The following PSD3 variants were observed in gnomAD, a reference collection of about 807,000 sequenced individuals.
PSD3 encodes PH and SEC7 domain-containing protein 3.
Under a neutral mutation model 105.5 loss-of-function variants are expected in PSD3, and 49 were observed. That is an observed-to-expected ratio of 0.46 (90% CI 0.37 to 0.59). The LOEUF is 0.59. Ranked by LOEUF, PSD3 falls within the 20% of genes least tolerant of loss-of-function variation. PSD3 has a pLI of 0.00. For synonymous variants in PSD3, 557 were observed against 457.8 expected, an observed-to-expected ratio of 1.22 and a Z score of -2.77; for missense variants, 1,561 against 1,263.8, an observed-to-expected ratio of 1.24 and a Z score of -3.57.
chr8:18,913,947 T>A (rs1301064192), intron 2 of PSD3, among the ~76,000 whole-genome samples: 1 of 152,126 alleles, frequency 6.6e-6, no homozygotes, highest in Admixed American at 6.5e-5. Flanking sequence ...GCTCTGGGCC[T>A]GTCCTCACAA....
intron 9 of PSD3, among the ~76,000 whole-genome samples, chr8:18,686,352 C>T (rs190583483): frequency 9.8e-5 from 15 of 152,336 alleles, no homozygotes; most frequent in African/African-American, 2.6e-4. Context: ...TGCAGATTCT[C>T]GCATGAAGTA....
intron 9 of PSD3, among the ~76,000 whole-genome samples, chr8:18,676,215 T>C (rs1800055944): frequency 6.6e-6 from 1 of 152,158 alleles, no homozygotes. Context: ...TTCTCTACAA[T>C]GTTCAAATAC....
chr8:18,912,723 T>G (rs770349169), intron 2 of PSD3, among the ~76,000 whole-genome samples: 1 of 152,192 alleles, frequency 6.6e-6, no homozygotes, highest in Admixed American at 6.5e-5. Context: ...CAACCTGATG[T>G]TGAAGTTCAG....
intron 2 of PSD3, among the ~76,000 whole-genome samples, chr8:18,897,987 G>A (rs1337187670): frequency 2.0e-5 from 3 of 152,132 alleles, no homozygotes; most frequent in Non-Finnish European, 4.4e-5. Flanking sequence ...GGAGAAAGTG[G>A]TCATTCTTGT....
intron 12 of PSD3, among the ~76,000 whole-genome samples, chr8:18,594,880 C>G (rs2130534494): frequency 6.6e-6 from 1 of 151,936 alleles, no homozygotes; most frequent in African/African-American, 2.4e-5. Flanking sequence ...TTTTTTGAAA[C>G]TTTGTGGAAC....
chr8:18,868,092 G>A (rs377723328), intron 3 of PSD3, 23 bp from the exon 4 acceptor site: 30 of 1,560,902 alleles, frequency 1.9e-5, no homozygotes, highest in East Asian at 1.8e-4. Flanking sequence ...TAAGAGTGAA[G>A]AATTCCAATA....
intron 1 of PSD3, among the ~76,000 whole-genome samples, chr8:19,037,189 A>G (rs1397954973): frequency 2.0e-5 from 3 of 152,260 alleles, no homozygotes; most frequent in Non-Finnish European, 2.9e-5. Flanking sequence ...TGGCAAATCA[A>G]TGATAGAACT....
At position 18,568,527 on chromosome 8, in the gene PSD3, G is replaced by A. The variant is rs554337223; in HGVS notation, c.2784+4001C>T. 2.6e-5 allele frequency among the ~76,000 whole-genome samples: 4 copies of A among 152,150 alleles called. No homozygotes were observed. The East Asian group carries it at 7.8e-4, about 30-fold the overall frequency. The stretch of plus-strand genomic sequence containing the variant: ...AGTCCCCAGCTGTCCAAGCCACAAT[G>A]ACAGCCTGTTTCCTCTACTTCCATG... On this transcript the variant is annotated intron_variant, in intron 14 of 15. Transcript: ENST00000327040.
intron 8 of PSD3, among the ~76,000 whole-genome samples, chr8:18,782,766 C>A (rs1372603374): frequency 1.3e-5 from 2 of 152,256 alleles, no homozygotes; most frequent in Non-Finnish European, 1.5e-5. Context: ...ACTTGGGGCC[C>A]CAAGCTACAG....
chr8:18,638,183 A>G (rs1445216632), intron 10 of PSD3, among the ~76,000 whole-genome samples: 1 of 151,250 alleles, frequency 6.6e-6, no homozygotes, highest in Non-Finnish European at 1.5e-5. Context: ...AAGATTCAGT[A>G]CTGTTACAGC....
chr8:18,956,664 C>A (rs1197717568), intron 1 of PSD3, among the ~76,000 whole-genome samples: 1 of 152,138 alleles, frequency 6.6e-6, no homozygotes, highest in Non-Finnish European at 1.5e-5. Flanking sequence ...GTTTTTGTCA[C>A]TTTAATATTT....
At chr8:18,778,395 A>G (rs2129445045) in intron 8 of PSD3, among the ~76,000 whole-genome samples, 1 of 152,282 alleles carries the variant, frequency 6.6e-6, no homozygotes, top group African/African-American at 2.4e-5. Flanking sequence ...TATATATAAG[A>G]TCATGTTATC....
At chr8:18,620,666 C>T (rs976391598) in intron 11 of PSD3, among the ~76,000 whole-genome samples, 1 of 152,232 alleles carries the variant, frequency 6.6e-6, no homozygotes, top group Middle Eastern at 3.4e-3. Context: ...GCCCAGATCA[C>T]ACCACTGCAC....
intron 12 of PSD3, among the ~76,000 whole-genome samples, chr8:18,583,239 G>A (rs1245976742): frequency 6.6e-6 from 1 of 152,152 alleles, no homozygotes; most frequent in Non-Finnish European, 1.5e-5. Flanking sequence ...AGGAATTCAA[G>A]ACCAGCCTGG....
intron 9 of PSD3, among the ~76,000 whole-genome samples, chr8:18,697,141 C>T (rs75526727): frequency 0.05 from 7,544 of 152,188 alleles, 606 homozygotes; most frequent in African/African-American, 0.17. Context: ...AGATATTTTA[C>T]ATTATTTTTT....
At chr8:18,863,370 C>G (rs17127355) in intron 4 of PSD3, among the ~76,000 whole-genome samples, 94,258 of 151,978 alleles carry the variant, frequency 0.62, 29,777 homozygotes, top group East Asian at 0.98. Flanking sequence ...AATTTTGGAG[C>G]CATGTGACAG....
rs73666731 is a variant in PSD3, at chr8:18,833,305, G to T, written c.1635-28407C>A. Among the ~76,000 whole-genome samples the T allele has an allele frequency of 7.6e-3, 1,155 of 152,334 alleles. 14 individuals carry two copies. Among genetic ancestry groups the T allele is most frequent in the African/African-American group, 0.025 (1,055 of 41,576 alleles). ...TGTGAAGAACACAGAGCAGGCAGAA[G>T]ATGAAGGTGGAGGTGAGCAGCTGCT... On this transcript the variant is annotated intron_variant, in intron 4 of 15. Transcript: ENST00000327040.
intron 11 of PSD3, among the ~76,000 whole-genome samples, chr8:18,625,192 A>G (rs892586762): frequency 2.6e-5 from 2 of 76,434 alleles, no homozygotes; most frequent in Non-Finnish European, 6.1e-5. Context: ...GGGAATACAC[A>G]CACACACACA....
At chr8:18,743,762 C>A (rs1156848524) in intron 9 of PSD3, among the ~76,000 whole-genome samples, 3 of 129,990 alleles carry the variant, frequency 2.3e-5, no homozygotes, top group South Asian at 2.8e-4. Context: ...CACAGAAAGA[C>A]CCTGTCTCTA....
Sources: gnomAD v4.1 joint callset for allele counts (sites outside exome capture counted in the v4.1 genomes callset) on GRCh38, gnomAD v4.1.1 for gene constraint, MANE v1.5 for transcripts, NCBI Gene and HGNC (gene_info 2026-07-23, HGNC 2026-07-21) for gene names.